AGFG2: variants seen among roughly 807,000 people sequenced by gnomAD.
AGFG2 encodes the protein arf-GAP domain and FG repeat-containing protein 2.
Under a neutral mutation model 48.0 loss-of-function variants are expected in AGFG2, and 31 were observed. The ratio of observed to expected loss-of-function variants is 0.65; its 90% CI spans 0.49 to 0.87. The LOEUF (loss-of-function observed/expected upper bound fraction) is 0.87, where lower values mean the gene tolerates loss of function less well. AGFG2 is among the 40% of genes least tolerant of loss of function. The probability of loss-of-function intolerance (pLI) is 0.00; values close to 1 mark genes in which losing one functional copy is unlikely to be tolerated. For synonymous variants in AGFG2, 229 were observed against 260.8 expected (o/e 0.88, Z 1.18); for missense variants, 599 against 632.6 (o/e 0.95, Z 0.57).
At chr7:100,547,646 A>C (rs889427338) in intron 1 of AGFG2, among the ~76,000 whole-genome samples, 2 of 152,146 alleles carry the variant, frequency 1.3e-5, no homozygotes, top group African/African-American at 4.8e-5. Flanking sequence ...GAGTGGGGAC[A>C]AGGAAGCCTT....
At position 100,565,063 on chromosome 7, in the gene AGFG2, TG is replaced by T; in HGVS notation, c.*73del. ...GCTCCCTAGAGCTCTGGTGACCACT[TG>T]CCTGTGGGCATTTCTATGGGCCTTG... On this transcript the variant is annotated 3_prime_UTR_variant, in exon 12 of 12. Transcript: ENST00000300176. 1.3e-6 allele frequency: 2 copies of T among 1,510,620 alleles called. No homozygotes were observed. Among genetic ancestry groups the T allele is most frequent in the Non-Finnish European group, 1.8e-6 (2 of 1,085,926 alleles). The allele number at this position is 1,510,620 out of a possible 1,614,324, so 93.6% of individuals were successfully genotyped here. A position where few individuals can be genotyped will look rare whatever the true frequency, so the allele number is the denominator to read the frequency against.
intron 1 of AGFG2, among the ~76,000 whole-genome samples, chr7:100,541,941 T>C (rs1157637065): frequency 6.6e-6 from 1 of 152,096 alleles, no homozygotes; most frequent in Non-Finnish European, 1.5e-5. Context: ...GTCCCACAGA[T>C]AACATTTCCC....
chr7:100,541,766 CAA>C (rs11285690), intron 1 of AGFG2, among the ~76,000 whole-genome samples: 32 of 65,412 alleles, frequency 4.9e-4, no homozygotes, highest in Admixed American at 6.7e-4. Context: ...CTCTGTCTCA[CAA>C]AAAAAAAAAA....
In AGFG2 at chr7:100,567,581, G is replaced by A. The variant is rs540703495; in HGVS notation, c.*2590G>A. 32 of 152,838 alleles carry A rather than the reference G, an allele frequency of 2.1e-4. No individual in the cohort carries two copies. Among genetic ancestry groups the A allele is most frequent in the African/African-American group, 7.5e-4 (31 of 41,578 alleles). The allele number at this position is 152,838 out of a possible 1,614,324, so 9.5% of individuals were successfully genotyped here. A position where few individuals can be genotyped will look rare whatever the true frequency, so the allele number is the denominator to read the frequency against. On this transcript the variant is annotated 3_prime_UTR_variant, in exon 12 of 12. Coordinates refer to ENST00000300176, the MANE Select transcript of AGFG2 (RefSeq NM_006076.5). ...ACCTGTGGGCCAGGGGATGGGAGCA[G>A]GGCTGAGGGTAGGGGCTGAATGTGT...
intron 1 of AGFG2, 70 bp from the exon 2 acceptor site, chr7:100,548,752 C>G: frequency 8.3e-7 from 1 of 1,209,624 alleles, no homozygotes; most frequent in Non-Finnish European, 1.2e-6. Flanking sequence ...CCCTCCTCCT[C>G]CTCCTCCCAT....
chr7:100,563,309 C>T (rs1800919788), intron 9 of AGFG2, among the ~76,000 whole-genome samples: 2 of 152,216 alleles, frequency 1.3e-5, no homozygotes, highest in African/African-American at 4.8e-5. Context: ...TTCCCTGCTT[C>T]CATCAACTCC....
rs532005562 is a variant in AGFG2 at position 100,562,658 on chromosome 7, A to G, written c.1063A>G (p.Ser355Gly). Residue 355 changes from serine (S) to glycine (G), a missense_variant, in exon 8 of 12, where the codon AGC becomes GGC. Ser to Gly is a moderately conservative substitution (Grantham distance 56). Transcript: ENST00000300176. This position sits in a 1 kb window ranked among gnomAD's most constrained non-coding sequence, Gnocchi z 5.4. ...TGTCACGATGGGCGGCGGCGGCGGC[A>G]GCAGCACAGGGCTGGCCTTTGGAGG... ...QSVTMGGGGG[S>G]STGLAFGAFT... 12 of 1,609,140 alleles carry G rather than the reference A, an allele frequency of 7.5e-6. No individual in the cohort carries two copies. The East Asian group carries it at 1.3e-4, about 18-fold the overall frequency.
At chr7:100,546,745 G>A (rs1178116225) in intron 1 of AGFG2, among the ~76,000 whole-genome samples, 1 of 152,172 alleles carries the variant, frequency 6.6e-6, no homozygotes, top group South Asian at 2.1e-4. Flanking sequence ...TAGTGGTTAA[G>A]GTGAGAAAGT....
chr7:100,555,961 A>G (rs527510262), intron 6 of AGFG2: 3 of 514,502 alleles, frequency 5.8e-6, no homozygotes, highest in African/African-American at 5.7e-5. Context: ...AGATTGCAGC[A>G]GGAGCTGTGT....
intron 4 of AGFG2, 76 bp from the exon 5 acceptor site, chr7:100,554,017 G>A (rs1321140264): frequency 3.9e-6 from 6 of 1,527,574 alleles, no homozygotes; most frequent in Middle Eastern, 2.4e-4. Context: ...CTATCTGAGG[G>A]CAACCTGGGG....
Position 100,554,111 on chromosome 7 carries a change from G to C in AGFG2, c.604G>C (p.Ala202Pro), listed in dbSNP as rs143496851. 5.0e-6 allele frequency: 8 copies of C among 1,613,724 alleles called. No homozygotes were observed. The highest frequency in any genetic ancestry group is 1.1e-5 in the South Asian group (1 of 91,044). Residue 202 changes from alanine to proline, a missense_variant, in exon 5 of 12, where the codon GCT (alanine) becomes CCT (proline). Ala to Pro is a conservative substitution (Grantham distance 27). Transcript: ENST00000300176. The part of the protein sequence containing the change: ...TSSQPVSQSH[A>P]RTSQARSTQP... The stretch of plus-strand genomic sequence containing the variant: ...CTCCAAGCCCGTCAGTCAGTCTCAC[G>C]CTCGGACATCCCAGGCCCGGAGCAC...
chr7:100,544,872 T>C (rs2131102420), intron 1 of AGFG2, among the ~76,000 whole-genome samples: 1 of 152,224 alleles, frequency 6.6e-6, no homozygotes. Context: ...CAGCTGTTTA[T>C]CATTGCTGCT....
chr7:100,555,808 A>G (rs1013585490), intron 6 of AGFG2, 73 bp downstream of exon 6: 2 of 1,578,142 alleles, frequency 1.3e-6, no homozygotes, highest in Non-Finnish European at 1.7e-6. Context: ...ATCACCATTC[A>G]TATCCTCACT....
At chr7:100,546,502 T>C (rs533253323) in intron 1 of AGFG2, among the ~76,000 whole-genome samples, 62 of 152,362 alleles carry the variant, frequency 4.1e-4, no homozygotes, top group African/African-American at 1.4e-3. Flanking sequence ...AGCACCCTAC[T>C]GCAGTAAGAA....
rs927366256 is a variant in AGFG2, at chr7:100,566,143, G to C, written c.*1152G>C. 1 of 152,262 alleles carries C rather than the reference G, an allele frequency of 6.6e-6. No homozygotes were observed. Among genetic ancestry groups the C allele is most frequent in the Non-Finnish European group, 1.5e-5 (1 of 68,056 alleles). 9.4% of individuals were successfully genotyped at this position (152,262 alleles called of 1,614,324 possible). On this transcript the variant is annotated 3_prime_UTR_variant, in exon 12 of 12. Transcript: ENST00000300176. ...CAGAGACAGGGCAGAGCCCGTCCCTGTCTGAACAAGAGTCCCGCATTAGCA... is the reference window on the plus strand; with the variant it reads ...CAGAGACAGGGCAGAGCCCGTCCCTCTCTGAACAAGAGTCCCGCATTAGCA...
Position 100,565,872 on chromosome 7 carries a change from T to A in AGFG2, c.*881T>A, listed in dbSNP as rs1424588116. 5.5e-5 allele frequency: 8 copies of A among 146,548 alleles called. No homozygotes were observed. Among genetic ancestry groups the A allele is most frequent in the Non-Finnish European group, 8.9e-5 (6 of 67,358 alleles). 9.1% of individuals were successfully genotyped at this position (146,548 alleles called of 1,614,324 possible). On this transcript the variant is annotated 3_prime_UTR_variant, in exon 12 of 12. Transcript: ENST00000300176. ...AGCCTGGGTTTTCCAGGGAAAGGCT[T>A]TGTGCAATTGCCTGGTCTTTTTTTT...
Position 100,539,240 on chromosome 7 carries a change from C to T in AGFG2, c.-107C>T, listed in dbSNP as rs1800367944. The T allele has an allele frequency of 2.6e-5, 30 of 1,164,892 alleles. No homozygotes were observed. The highest frequency in any genetic ancestry group is 3.1e-5 in the Non-Finnish European group (28 of 915,144). The allele number at this position is 1,164,892 out of a possible 1,614,324, so 72.2% of individuals were successfully genotyped here. On this transcript the variant is annotated 5_prime_UTR_variant, in exon 1 of 12. Coordinates refer to ENST00000300176, the MANE Select transcript of AGFG2 (RefSeq NM_006076.5). ...AGTCTCCTGCGGATGCCGCCCGCTC[C>T]CGAGCTTCTGTCAGGGGAGCCGGGC...
At chr7:100,564,138 C>G (rs1800945909) in intron 10 of AGFG2, 80 bp from the exon 11 acceptor site, 15 of 1,543,990 alleles carry the variant, frequency 9.7e-6, no homozygotes, top group Non-Finnish European at 1.3e-5. Context: ...CTTACTCCCC[C>G]AGTTTAGGAG....
At chr7:100,540,189 T>C (rs1800396208) in intron 1 of AGFG2, among the ~76,000 whole-genome samples, 1 of 151,412 alleles carries the variant, frequency 6.6e-6, no homozygotes, top group African/African-American at 2.4e-5. Context: ...GGAGCCATGG[T>C]CCAGAGTTCA....
Sources: gnomAD v4.1 joint callset for allele counts (sites outside exome capture counted in the v4.1 genomes callset) on GRCh38, gnomAD v4.1.1 for gene constraint, Gnocchi (gnomAD v3.1) non-coding constraint, MANE v1.5 for transcripts, NCBI Gene and HGNC (gene_info 2026-07-23, HGNC 2026-07-21) for gene names.